Variants in POLR2M observed in about 807,000 individuals in gnomAD.
POLR2M encodes protein GRINL1A.
Under a neutral mutation model 34.6 loss-of-function variants are expected in POLR2M, and 30 were observed. The ratio of observed to expected loss-of-function variants is 0.87; its 90% confidence interval spans 0.65 to 1.18. POLR2M has a LOEUF of 1.18. POLR2M is among the 50% of genes most tolerant of loss of function. POLR2M has a pLI of 0.00. For missense variants in POLR2M, 432 were observed against 448.7 expected, an observed-to-expected ratio of 0.96 and a Z score of 0.34; for synonymous variants, 150 against 166.7, an observed-to-expected ratio of 0.90 and a Z score of 0.77.
At chr15:57,708,582 G>T (rs1567265709) in intron 1 of POLR2M, 132 bp from the exon 2 acceptor site, 3 of 802,678 alleles carry the variant, frequency 3.7e-6, no homozygotes, top group Admixed American at 3.4e-5. Flanking sequence ...TTGTTTTGGG[G>T]CAGTTAGAAA....
intron 2 of POLR2M, 108 bp downstream of exon 2, chr15:57,709,466 C>T (rs1033881398): frequency 7.5e-7 from 1 of 1,329,714 alleles, no homozygotes; most frequent in South Asian, 1.5e-5. Context: ...CCAGGCTACT[C>T]AGGAGGCTGA....
chr15:57,709,381 C>G, intron 2 of POLR2M, 23 bp downstream of exon 2: 1 of 1,587,600 alleles, frequency 6.3e-7, no homozygotes, highest in Non-Finnish European at 8.6e-7. Context: ...GGAAACAGGC[C>G]TGTAACAGGA....
chr15:57,711,907 G>A, intron 2 of POLR2M, 77 bp from the exon 3 acceptor site: 2 of 1,527,496 alleles, frequency 1.3e-6, no homozygotes, highest in South Asian at 1.2e-5. Flanking sequence ...TAAGGTAAAG[G>A]CCATTTGTGT....
intron 1 of POLR2M, among the ~76,000 whole-genome samples, chr15:57,708,108 C>T (rs1361461103): frequency 6.6e-6 from 1 of 152,096 alleles, no homozygotes; most frequent in Admixed American, 6.5e-5. Context: ...CTCAGGACTC[C>T]GTTATACTTT....
intron 2 of POLR2M, among the ~76,000 whole-genome samples, chr15:57,710,011 ATGT>A (rs1276387609): frequency 4.6e-5 from 7 of 152,202 alleles, no homozygotes; most frequent in African/African-American, 1.7e-4. Flanking sequence ...GCCTTTTTTG[ATGT>A]TAAATCTCAA....
At position 57,708,915 on chromosome 15, in the gene POLR2M, A is replaced by T. The variant is rs760519601; in HGVS notation, c.315A>T (p.Ile105=). 8 of 1,613,998 alleles carry T rather than the reference A, an allele frequency of 5.0e-6. No individual in the cohort carries two copies. Among genetic ancestry groups the T allele is most frequent in the Non-Finnish European group, 5.9e-6 (7 of 1,179,990 alleles). The stretch of plus-strand genomic sequence containing the variant: ...ATAAGGCCCAGAATTCTGACCCGAT[A>T]CTTGATACTTCATCACTAGTTCCTG... ...GTDKAQNSDP[I]LDTSSLVPGC... The change falls in exon 2 of 4, where the codon ATA becomes ATT. Residue 105 remains isoleucine, a synonymous_variant. Transcript: ENST00000299638.
intron 3 of POLR2M, among the ~76,000 whole-genome samples, chr15:57,712,972 G>T (rs1285898853): frequency 2.0e-5 from 3 of 152,138 alleles, no homozygotes. Context: ...GCACCAACTA[G>T]TATAACACCA....
chr15:57,714,423 C>T, intron 3 of POLR2M, 113 bp from the exon 4 acceptor site: 1 of 1,537,078 alleles, frequency 6.5e-7, no homozygotes. Flanking sequence ...CAAGGGAGCA[C>T]TCAGTGAGGT....
chr15:57,713,196 T>C (rs376257983), intron 3 of POLR2M, among the ~76,000 whole-genome samples: 1 of 39,060 alleles, frequency 2.6e-5, no homozygotes, highest in Non-Finnish European at 7.0e-5. Flanking sequence ...AGACCCTGTC[T>C]CAAAAAAAAA....
chr15:57,706,983 C>T, intron 1 of POLR2M, 28 bp downstream of exon 1: 1 of 1,562,986 alleles, frequency 6.4e-7, no homozygotes, highest in Non-Finnish European at 8.7e-7. Context: ...GGAGTCTCCG[C>T]CAGGCTCCTT....
intron 3 of POLR2M, among the ~76,000 whole-genome samples, chr15:57,713,980 C>T (rs1355188871): frequency 4.6e-5 from 7 of 151,390 alleles, no homozygotes; most frequent in South Asian, 4.2e-4. Flanking sequence ...GGGAACACGC[C>T]GGGTTCACAG....
At chr15:57,712,411 T>G (rs1288233409) in intron 3 of POLR2M, among the ~76,000 whole-genome samples, 2 of 152,198 alleles carry the variant, frequency 1.3e-5, no homozygotes, top group Non-Finnish European at 2.9e-5. Flanking sequence ...GTGATTTGCC[T>G]GGAGATGTGG....
At position 57,715,480 on chromosome 15, in the gene POLR2M, A is replaced by G. The variant is rs1198500304; in HGVS notation, c.*801A>G. ...GCAAATCTGGTACAGGAGAAGCCCAAGCTAACTGAGCTGGGTGAAGGCTTG... is the reference window on the plus strand; with the variant it reads ...GCAAATCTGGTACAGGAGAAGCCCAGGCTAACTGAGCTGGGTGAAGGCTTG... On this transcript the variant is annotated 3_prime_UTR_variant, in exon 4 of 4. Coordinates refer to ENST00000299638, the MANE Select transcript of POLR2M (RefSeq NM_015532.5). 6.6e-6 allele frequency: 1 copy of G among 152,190 alleles called. No individual in the cohort carries two copies. The highest frequency in any genetic ancestry group is 6.5e-5 in the Admixed American group (1 of 15,278). 9.4% of individuals were successfully genotyped at this position (152,190 alleles called of 1,614,324 possible).
chr15:57,707,063 C>T (rs753251819), intron 1 of POLR2M, 108 bp downstream of exon 1: 27 of 1,551,660 alleles, frequency 1.7e-5, no homozygotes, highest in Non-Finnish European at 2.4e-5. Context: ...GTGACTTTGA[C>T]TCAGTCACAT....
chr15:57,711,651 A>C (rs2040718555), intron 2 of POLR2M, among the ~76,000 whole-genome samples: 1 of 151,892 alleles, frequency 6.6e-6, no homozygotes, highest in Non-Finnish European at 1.5e-5. Context: ...GATATCTATC[A>C]CAGTATCTCT....
In POLR2M at chr15:57,709,120, C is replaced by G. The variant is rs749550237; in HGVS notation, c.520C>G (p.Arg174Gly). 1.9e-6 allele frequency: 3 copies of G among 1,614,168 alleles called. No homozygotes were observed. In the East Asian group the frequency reaches 6.7e-5, roughly 36 times the overall value. Residue 174 changes from arginine (R) to glycine (G), a missense_variant, in exon 2 of 4, where the codon CGG becomes GGG. Arg to Gly is a moderately radical substitution (Grantham distance 125, BLOSUM62 -2). Coordinates refer to ENST00000299638, the MANE Select transcript of POLR2M (RefSeq NM_015532.5). ...ATCTGAAGCTAGTGAGCATCACCCG[C>G]GGCATCGTGTTTCAAGTCAAGCGGA... ...PSSEASEHHP[R>G]HRVSSQAEDT...
intron 2 of POLR2M, 142 bp downstream of exon 2, chr15:57,709,500 A>G: frequency 3.2e-6 from 3 of 938,212 alleles, no homozygotes; most frequent in South Asian, 3.5e-5. Context: ...CTTTGAGTCC[A>G]GGAGTTGTAG....
intron 3 of POLR2M, among the ~76,000 whole-genome samples, chr15:57,714,008 C>T (rs113385268): frequency 0.04 from 6,128 of 151,570 alleles, 176 homozygotes; most frequent in Middle Eastern, 0.088. Flanking sequence ...CCACCACGCC[C>T]GGCTAATTTT....
At position 57,716,650 on chromosome 15, in the gene POLR2M, A is replaced by G. The variant is rs1469083342; in HGVS notation, c.*1971A>G. 1 of 152,280 alleles carries G rather than the reference A, an allele frequency of 6.6e-6. No individual in the cohort carries two copies. The highest frequency in any genetic ancestry group is 2.4e-5 in the African/African-American group (1 of 41,478). The allele number at this position is 152,280 out of a possible 1,614,324, so 9.4% of individuals were successfully genotyped here. A position where few individuals can be genotyped will look rare whatever the true frequency, so the allele number is the denominator to read the frequency against. On this transcript the variant is annotated 3_prime_UTR_variant, in exon 4 of 4. Transcript: ENST00000299638. ...TTTTTTCATATTCATTGGCCATGCTATATTCATTCTTTTGAGAATTGCTCA... is the reference window on the plus strand; with the variant it reads ...TTTTTTCATATTCATTGGCCATGCTGTATTCATTCTTTTGAGAATTGCTCA...
Sources: gnomAD v4.1 joint callset for allele counts (sites outside exome capture counted in the v4.1 genomes callset) on GRCh38, gnomAD v4.1.1 for gene constraint, MANE v1.5 for transcripts, NCBI Gene and HGNC (gene_info 2026-07-23, HGNC 2026-07-21) for gene names.